Variants in DLG2 observed in about 807,000 individuals in gnomAD.
The protein encoded by DLG2 is disks large homolog 2.
Under a neutral mutation model 132.5 loss-of-function variants are expected in DLG2, and 45 were observed. The ratio of observed to expected loss-of-function variants is 0.34; its 90% CI spans 0.27 to 0.44. The LOEUF is 0.44. Among genes scored for constraint, DLG2 ranks in the 20% least tolerant of loss-of-function variants. DLG2 has a pLI of 1.00. For synonymous variants in DLG2, 424 were observed against 419.6 expected, an observed-to-expected ratio of 1.01 and a Z score of -0.13; for missense variants, 1,045 against 1,196.9, an observed-to-expected ratio of 0.87 and a Z score of 1.87.
chr11:83,850,162 T>TGTGTGTG (rs59045992), intron 16 of DLG2, among the ~76,000 whole-genome samples: 23,718 of 114,994 alleles, frequency 0.21, 2,253 homozygotes, highest in South Asian at 0.28. Context: ...GTGTGTGTGT[T>TGTGTGTG]TTTTTACTTG....
chr11:85,384,302 T>C (rs938257078), intron 3 of DLG2, among the ~76,000 whole-genome samples: 3 of 152,204 alleles, frequency 2.0e-5, no homozygotes, highest in Non-Finnish European at 4.4e-5. Context: ...TTGACATTGG[T>C]TCATCTTTGG....
At chr11:84,329,360 G>T (rs1436538396) in intron 7 of DLG2, among the ~76,000 whole-genome samples, 2 of 152,144 alleles carry the variant, frequency 1.3e-5, no homozygotes, top group East Asian at 3.8e-4. Context: ...ATCCTCACAT[G>T]TCGTGGGAGG....
chr11:85,456,590 C>T (rs542306155), intron 3 of DLG2, among the ~76,000 whole-genome samples: 24 of 152,166 alleles, frequency 1.6e-4, no homozygotes, highest in South Asian at 8.3e-4. Flanking sequence ...TCAAGCCTTT[C>T]GACGTGGGCA....
chr11:83,947,091 T>C (rs965606368), intron 14 of DLG2, among the ~76,000 whole-genome samples: 5 of 151,742 alleles, frequency 3.3e-5, no homozygotes, highest in Admixed American at 2.0e-4. Flanking sequence ...ATGATAGATG[T>C]TGCTATGCAT....
At chr11:83,620,893 AAT>A in intron 19 of DLG2, among the ~76,000 whole-genome samples, 1 of 150,848 alleles carries the variant, frequency 6.6e-6, no homozygotes, top group Non-Finnish European at 1.5e-5. Context: ...AAAAAAAAAA[AAT>A]GCATTCCTAA....
At chr11:85,049,535 C>T (rs1210227454) in intron 6 of DLG2, among the ~76,000 whole-genome samples, 1 of 152,032 alleles carries the variant, frequency 6.6e-6, no homozygotes, top group Non-Finnish European at 1.5e-5. Flanking sequence ...TCTCTGGCCT[C>T]TACACACTAG....
At chr11:83,750,480 C>G (rs1410657736) in intron 18 of DLG2, among the ~76,000 whole-genome samples, 1 of 152,118 alleles carries the variant, frequency 6.6e-6, no homozygotes, top group African/African-American at 2.4e-5. Flanking sequence ...AGTTCAGTTA[C>G]CTTTAGACTC....
intron 7 of DLG2, among the ~76,000 whole-genome samples, chr11:84,299,067 T>C (rs1041639563): frequency 6.6e-6 from 1 of 152,212 alleles, no homozygotes; most frequent in African/African-American, 2.4e-5. Context: ...ACGTTCCACA[T>C]ATTTTACCAG....
chr11:85,114,524 G>A (rs904604786), intron 5 of DLG2, among the ~76,000 whole-genome samples: 6 of 151,892 alleles, frequency 4.0e-5, no homozygotes, highest in Admixed American at 6.6e-5. Flanking sequence ...CCAGGATTCG[G>A]GGATTTGCAA....
At chr11:85,175,712 C>G (rs1566969340) in intron 4 of DLG2, among the ~76,000 whole-genome samples, 2 of 152,088 alleles carry the variant, frequency 1.3e-5, no homozygotes, top group African/African-American at 2.4e-5. Flanking sequence ...ATCTAGAAAA[C>G]TCTGCCGTCA....
chr11:84,656,465 T>C (rs12280477), intron 6 of DLG2, among the ~76,000 whole-genome samples: 6,545 of 152,184 alleles, frequency 0.043, 450 homozygotes, highest in African/African-American at 0.14. Context: ...ACGAAGAGTA[T>C]AGCCAAATGT....
At chr11:83,498,027 T>A (rs2094242139) in intron 21 of DLG2, among the ~76,000 whole-genome samples, 1 of 152,014 alleles carries the variant, frequency 6.6e-6, no homozygotes, top group South Asian at 2.1e-4. Context: ...GATACAAATA[T>A]CCCTTAGTAT....
At chr11:84,056,393 T>G (rs1343962395) in intron 11 of DLG2, among the ~76,000 whole-genome samples, 4 of 152,142 alleles carry the variant, frequency 2.6e-5, no homozygotes, top group African/African-American at 4.8e-5. Context: ...CTCCTAGTTA[T>G]GACGAATCAC....
At chr11:83,972,920 T>A (rs2091592747) in intron 12 of DLG2, among the ~76,000 whole-genome samples, 1 of 152,114 alleles carries the variant, frequency 6.6e-6, no homozygotes, top group African/African-American at 2.4e-5. Flanking sequence ...ATTGTGATTC[T>A]ATTCTTCCTT....
intron 7 of DLG2, among the ~76,000 whole-genome samples, chr11:84,473,213 G>T (rs143888143): frequency 6.0e-4 from 91 of 152,086 alleles, no homozygotes; most frequent in Non-Finnish European, 1.2e-3. Context: ...TTCAATGAAG[G>T]GGGGGTTTCT....
intron 6 of DLG2, among the ~76,000 whole-genome samples, chr11:84,812,967 T>C (rs2076723171): frequency 6.6e-6 from 1 of 152,054 alleles, no homozygotes; most frequent in Non-Finnish European, 1.5e-5. Context: ...GGAGCTGAAA[T>C]TTTCCCTTGT....
chr11:85,398,134 C>T (rs1008746917), intron 3 of DLG2, among the ~76,000 whole-genome samples: 2 of 152,168 alleles, frequency 1.3e-5, no homozygotes, highest in Non-Finnish European at 2.9e-5. Flanking sequence ...TCACTCAAAA[C>T]CGCACAACTT....
chr11:84,164,534 GGCCCAGACAGCCA>G (rs1001334252), intron 8 of DLG2, among the ~76,000 whole-genome samples: 1 of 152,160 alleles, frequency 6.6e-6, no homozygotes, highest in Non-Finnish European at 1.5e-5. Flanking sequence ...ATGCAGGCAA[GGCCCAGACAGCCA>G]GCCCTGTTGC....
intron 6 of DLG2, among the ~76,000 whole-genome samples, chr11:85,028,392 C>A (rs1049343978): frequency 2.6e-5 from 4 of 152,184 alleles, no homozygotes; most frequent in Non-Finnish European, 5.9e-5. Flanking sequence ...ATGCTTCAGG[C>A]CGTTCTTGGC....
Sources: allele counts gnomAD v4.1 joint callset (sites outside exome capture counted in the v4.1 genomes callset), GRCh38; gene constraint gnomAD v4.1.1; transcripts MANE v1.5; gene names NCBI Gene and HGNC (gene_info 2026-07-23, HGNC 2026-07-21).